Variants in CACNA1E observed in about 807,000 individuals in gnomAD.
CACNA1E encodes voltage-dependent R-type calcium channel subunit alpha-1E.
A neutral mutation model predicts 259.2 loss-of-function variants in CACNA1E; 40 were observed. The ratio of observed to expected loss-of-function variants is 0.15; its 90% CI spans 0.12 to 0.20. The LOEUF is 0.20. Ranked by LOEUF, CACNA1E falls within the 10% of genes least tolerant of loss-of-function variation. The probability of loss-of-function intolerance (pLI) is 1.00; values close to 1 mark genes in which losing one functional copy is unlikely to be tolerated. For missense variants in CACNA1E, 1,874 were observed against 3,040.1 expected (o/e 0.62, Z 9.02); for synonymous variants, 1,104 against 1,138.5 (o/e 0.97, Z 0.61).
At chr1:181,522,345 C>A (rs1454734440) in intron 3 of CACNA1E, among the ~76,000 whole-genome samples, 1 of 152,322 alleles carries the variant, frequency 6.6e-6, no homozygotes, top group East Asian at 1.9e-4. Flanking sequence ...CTCTGAGCAT[C>A]TCCTACTGAT....
chr1:181,770,019 C>CTTGGGTTTTG (rs1659366505), intron 35 of CACNA1E, among the ~76,000 whole-genome samples: 1 of 152,110 alleles, frequency 6.6e-6, no homozygotes, highest in Non-Finnish European at 1.5e-5. Flanking sequence ...CCCTGAGAGA[C>CTTGGGTTTTG]AAGTAGTATT....
intron 1 of CACNA1E, among the ~76,000 whole-genome samples, chr1:181,487,884 C>T (rs545303653): frequency 4.6e-5 from 7 of 152,220 alleles, no homozygotes; most frequent in Non-Finnish European, 7.3e-5. Context: ...ACACCTCCAT[C>T]GCCTTGGTTG....
chr1:181,748,182 C>A (rs1657273865), intron 25 of CACNA1E, among the ~76,000 whole-genome samples: 1 of 151,968 alleles, frequency 6.6e-6, no homozygotes, highest in Admixed American at 6.6e-5. Flanking sequence ...TTGGCTCAGA[C>A]CTGTGGGAGT....
At chr1:181,657,088 CA>C (rs947300565) in intron 7 of CACNA1E, among the ~76,000 whole-genome samples, 2 of 152,054 alleles carry the variant, frequency 1.3e-5, no homozygotes, top group South Asian at 4.2e-4. Context: ...CACACATACA[CA>C]AAAAAACACT....
At chr1:181,775,204 G>C (rs2102789210) in intron 37 of CACNA1E, among the ~76,000 whole-genome samples, 1 of 152,280 alleles carries the variant, frequency 6.6e-6, no homozygotes, top group East Asian at 1.9e-4. Flanking sequence ...AGGGAAATGG[G>C]GTTTAATGAC....
intron 43 of CACNA1E, among the ~76,000 whole-genome samples, chr1:181,789,585 C>T (rs555941078): frequency 6.6e-6 from 1 of 152,236 alleles, no homozygotes; most frequent in East Asian, 1.9e-4. Context: ...CATTCTTGAG[C>T]AGGTCAGATG....
intron 3 of CACNA1E, among the ~76,000 whole-genome samples, chr1:181,513,962 C>T (rs931900640): frequency 1.3e-5 from 2 of 152,190 alleles, no homozygotes; most frequent in African/African-American, 4.8e-5. Flanking sequence ...CAGGACTTTG[C>T]TCCTGCTCCT....
rs534041949 is a variant in CACNA1E, at chr1:181,772,180, C to T, written c.5088C>T (p.Thr1696=). The T allele has an allele frequency of 3.0e-5, 49 of 1,613,850 alleles. No individual in the cohort carries two copies. The highest frequency in any genetic ancestry group is 2.8e-4 in the Admixed American group (17 of 60,004). ...AGAACGAGAACGAACGCTGCGGCAC[C>T]GATCTGGCCTACGTGTACTTTGTCT... ...SGQNENERCG[T]DLAYVYFVSF... is the part of the protein sequence containing the mutation. Residue 1696 remains threonine, a synonymous_variant, in exon 37 of 48, where the codon ACC becomes ACT. Coordinates refer to ENST00000367573, the MANE Select transcript of CACNA1E (RefSeq NM_001205293.3).
chr1:181,341,318 GT>G (rs1390544309), intron 1 of CACNA1E, among the ~76,000 whole-genome samples: 3 of 152,192 alleles, frequency 2.0e-5, no homozygotes, highest in Non-Finnish European at 2.9e-5. Flanking sequence ...CTCTCTGGAT[GT>G]TTACTGCAGC....
intron 38 of CACNA1E, chr1:181,779,624 C>T (rs1019253730): frequency 3.9e-5 from 11 of 284,666 alleles, no homozygotes; most frequent in Non-Finnish European, 6.7e-5. Flanking sequence ...ACCACCACTG[C>T]GCCACATGAG....
At chr1:181,633,213 G>A (rs988395261) in intron 6 of CACNA1E, among the ~76,000 whole-genome samples, 1 of 152,100 alleles carries the variant, frequency 6.6e-6, no homozygotes, top group African/African-American at 2.4e-5. Flanking sequence ...TCCAAGGAAG[G>A]GTGCAGCAGC....
intron 3 of CACNA1E, among the ~76,000 whole-genome samples, chr1:181,517,245 A>C (rs775145655): frequency 6.6e-6 from 1 of 152,210 alleles, no homozygotes; most frequent in Admixed American, 6.5e-5. Context: ...TCTGGGAGAA[A>C]GAATGCTATG....
chr1:181,785,487 C>A, intron 42 of CACNA1E, 69 bp downstream of exon 42: 1 of 1,108,496 alleles, frequency 9.0e-7, no homozygotes, highest in Non-Finnish European at 1.4e-6. Flanking sequence ...AGGCCTGTGC[C>A]TCCCTGGGGC....
chr1:181,669,629 C>T (rs954216796), intron 7 of CACNA1E, among the ~76,000 whole-genome samples: 8 of 152,306 alleles, frequency 5.3e-5, no homozygotes, highest in African/African-American at 1.9e-4. Context: ...TTCTTTTCCC[C>T]AGCATTTAGC....
intron 1 of CACNA1E, among the ~76,000 whole-genome samples, chr1:181,499,202 A>G (rs1016251158): frequency 2.6e-5 from 4 of 152,166 alleles, no homozygotes; most frequent in African/African-American, 9.7e-5. Context: ...CTCATCTCAG[A>G]ATGGTTGCTG....
intron 6 of CACNA1E, among the ~76,000 whole-genome samples, chr1:181,618,600 C>A (rs754230638): frequency 6.6e-6 from 1 of 152,126 alleles, no homozygotes; most frequent in African/African-American, 2.4e-5. Context: ...TGGTTGAGTC[C>A]TTTGTCCTTC....
At chr1:181,349,038 T>C (rs1652829477) in intron 1 of CACNA1E, among the ~76,000 whole-genome samples, 1 of 146,392 alleles carries the variant, frequency 6.8e-6, no homozygotes, top group Non-Finnish European at 1.5e-5. Flanking sequence ...GGTTGATTAA[T>C]AGGCAGTCAG....
intron 2 of CACNA1E, among the ~76,000 whole-genome samples, chr1:181,433,846 T>G (rs1659889601): frequency 6.6e-6 from 1 of 152,238 alleles, no homozygotes; most frequent in African/African-American, 2.4e-5. Context: ...TTTGATAATA[T>G]TATGTCACCA....
intron 1 of CACNA1E, among the ~76,000 whole-genome samples, chr1:181,397,520 C>T (rs1455444326): frequency 2.0e-5 from 3 of 151,978 alleles, no homozygotes; most frequent in South Asian, 2.1e-4. Context: ...AGGCTGGTCT[C>T]GAACTGGCCT....
Sources: gnomAD v4.1 joint callset for allele counts (sites outside exome capture counted in the v4.1 genomes callset) on GRCh38, gnomAD v4.1.1 for gene constraint, MANE v1.5 for transcripts, NCBI Gene and HGNC (gene_info 2026-07-23, HGNC 2026-07-21) for gene names.